Variants in LKAAEAR1 observed in about 807,000 individuals in gnomAD.
LKAAEAR1 encodes protein LKAAEAR1.
A neutral mutation model predicts 16.5 loss-of-function variants in LKAAEAR1; 19 were observed. That is an observed-to-expected ratio of 1.15 (90% CI 0.80 to 1.69). LKAAEAR1 has a LOEUF of 1.69. LKAAEAR1 is among the 40% of genes most tolerant of loss of function. The pLI is 0.00. For synonymous variants in LKAAEAR1, 124 were observed against 152.7 expected (o/e 0.81, Z 1.39); for missense variants, 304 against 315.8 (o/e 0.96, Z 0.28).
chr20:64,083,708 G>C lies in LKAAEAR1; in HGVS notation c.403-3C>G. The C allele has an allele frequency of 7.2e-7, 1 of 1,381,414 alleles. No homozygotes were observed. The highest frequency in any genetic ancestry group is 9.3e-7 in the Non-Finnish European group (1 of 1,076,718). 85.6% of individuals were successfully genotyped at this position (1,381,414 alleles called of 1,614,324 possible). A position where few individuals can be genotyped will look rare whatever the true frequency, so the allele number is the denominator to read the frequency against. ...ATGAGCAGCGCGATCTCCTCGGCCT[G>C]CGGGGCCCGGGTAGCTGAGCGCGCG... On this transcript the variant is annotated splice_polypyrimidine_tract_variant and splice_region_variant and intron_variant, in intron 1 of 2. Coordinates refer to ENST00000302096, the MANE Select transcript of LKAAEAR1 (RefSeq NM_001353425.2). This position sits in a 1 kb window ranked among gnomAD's most constrained non-coding sequence, Gnocchi z 4.9.
chr20:64,083,646 C>T lies in LKAAEAR1; in HGVS notation c.462G>A (p.Leu154=). The T allele has an allele frequency of 1.4e-6, 2 of 1,451,848 alleles. No homozygotes were observed. The highest frequency in any genetic ancestry group is 1.5e-5 in the African/African-American group (1 of 67,158). The allele number at this position is 1,451,848 out of a possible 1,614,324, so 89.9% of individuals were successfully genotyped here. The change falls in exon 2 of 3, where the codon CTG becomes CTA. Residue 154 remains leucine, a synonymous_variant. Transcript: ENST00000302096. The surrounding 1 kb of genome is among the most constrained non-coding windows in gnomAD (Gnocchi z 4.9). Reference sequence around the variant, plus strand: ...TCAGCTGCGGCGGCAGGAACAGCTCCAGCCGGATGGCGGCGCGCGCGGACT... The same window carrying T: ...TCAGCTGCGGCGGCAGGAACAGCTCTAGCCGGATGGCGGCGCGCGCGGACT... ...RQKSARAAIR[L]ELFLPPQLKP... is the part of the protein sequence containing the mutation.
rs2060000062 is a variant in LKAAEAR1, at chr20:64,083,732, C to G, written c.403-27G>C. 1 of 1,348,360 alleles carries G rather than the reference C, an allele frequency of 7.4e-7. No homozygotes were observed. Among genetic ancestry groups the G allele is most frequent in the Non-Finnish European group, 9.5e-7 (1 of 1,057,166 alleles). 83.5% of individuals were successfully genotyped at this position (1,348,360 alleles called of 1,614,324 possible). A position where few individuals can be genotyped will look rare whatever the true frequency, so the allele number is the denominator to read the frequency against. On this transcript the variant is annotated intron_variant, in intron 1 of 2. Transcript: ENST00000302096. The surrounding 1 kb of genome is among the most constrained non-coding windows in gnomAD (Gnocchi z 4.9). The stretch of plus-strand genomic sequence containing the variant: ...TGCGGGGCCCGGGTAGCTGAGCGCG[C>G]GCCGAGCCCCGCCCCGCCCCGCCCC...
upstream of LKAAEAR1, chr20:64,084,484 A>G (rs759624931): frequency 4.6e-5 from 40 of 869,148 alleles, no homozygotes; most frequent in Non-Finnish European, 5.7e-5. Context: ...ACTCAGTTGT[A>G]GGAAATATCT....
In LKAAEAR1 at chr20:64,083,535, G is replaced by A. The variant is rs764266177; in HGVS notation, c.526-41C>T. 1.9e-6 allele frequency: 3 copies of A among 1,551,900 alleles called. No individual in the cohort carries two copies. The South Asian group carries it at 3.5e-5, about 18-fold the overall frequency. Reference sequence around the variant, plus strand: ...GCTGGGGTCCGGCGTGTGCGGAGGCGGGCAGGGCCCCTCCCCTTTCCCCGC... The same window carrying A: ...GCTGGGGTCCGGCGTGTGCGGAGGCAGGCAGGGCCCCTCCCCTTTCCCCGC... On this transcript the variant is annotated intron_variant, in intron 2 of 2. Transcript: ENST00000302096. The surrounding 1 kb of genome is among the most constrained non-coding windows in gnomAD (Gnocchi z 4.9).
chr20:64,084,398 C>T lies in LKAAEAR1; in HGVS notation c.-179G>A. The T allele has an allele frequency of 2.4e-6, 3 of 1,272,734 alleles. No individual in the cohort carries two copies. Among genetic ancestry groups the T allele is most frequent in the South Asian group, 5.4e-5 (2 of 37,010 alleles). The allele number at this position is 1,272,734 out of a possible 1,614,324, so 78.8% of individuals were successfully genotyped here. A position where few individuals can be genotyped will look rare whatever the true frequency, so the allele number is the denominator to read the frequency against. On this transcript the variant is annotated 5_prime_UTR_variant, in exon 1 of 3. Transcript: ENST00000302096. ...GCTTTGCCCAGGCGCTCTCCCTCTC[C>T]CAAGCGCACGTCCCCAGCAGCTCTG...
Position 64,084,182 on chromosome 20 carries a change from G to C in LKAAEAR1, c.38C>G (p.Pro13Arg), listed in dbSNP as rs1284703865. 1.4e-6 allele frequency: 2 copies of C among 1,448,146 alleles called. No homozygotes were observed. The highest frequency in any genetic ancestry group is 1.8e-6 in the Non-Finnish European group (2 of 1,108,018). The allele number at this position is 1,448,146 out of a possible 1,614,324, so 89.7% of individuals were successfully genotyped here. A position where few individuals can be genotyped will look rare whatever the true frequency, so the allele number is the denominator to read the frequency against. ...PPAKEGGRKGPRERSGKSAPG... is the reference protein window; with the variant it reads ...PPAKEGGRKGRRERSGKSAPG... ...CGCGCTCTTCCCGCTTCGCTCCCGC[G>C]GGCCCTTGCGCCCGCCCTCCTTCGC... Residue 13 changes from proline to arginine, a missense_variant, in exon 1 of 3, where the codon CCG becomes CGG. By Grantham distance (103) the Pro-to-Arg change is moderately radical. Transcript: ENST00000302096.
In LKAAEAR1 at chr20:64,083,659, G is replaced by C; in HGVS notation, c.449C>G (p.Ala150Gly). Residue 150 changes from alanine (A) to glycine (G), a missense_variant, in exon 2 of 3, where the codon GCC (alanine) becomes GGC (glycine). Transcript: ENST00000302096. This position sits in a 1 kb window ranked among gnomAD's most constrained non-coding sequence, Gnocchi z 4.9. The part of the protein sequence containing the change: ...LLIQRQKSAR[A>G]AIRLELFLPP... ...CAGGAACAGCTCCAGCCGGATGGCG[G>C]CGCGCGCGGACTTCTGCCGCTGGAT... The C allele has an allele frequency of 6.9e-7, 1 of 1,438,896 alleles. No homozygotes were observed. Among genetic ancestry groups the C allele is most frequent in the South Asian group, 1.4e-5 (1 of 71,158 alleles). The allele number at this position is 1,438,896 out of a possible 1,614,324, so 89.1% of individuals were successfully genotyped here.
chr20:64,083,728 C>A lies in LKAAEAR1; in HGVS notation c.403-23G>T, dbSNP rs564491551. The A allele has an allele frequency of 1.7e-3, 2,300 of 1,354,658 alleles. 28 individuals are homozygous for A. In the African/African-American group the frequency reaches 0.031, roughly 18 times the overall value. The allele number at this position is 1,354,658 out of a possible 1,614,324, so 83.9% of individuals were successfully genotyped here. Reference sequence around the variant, plus strand: ...GGCCTGCGGGGCCCGGGTAGCTGAGCGCGCGCCGAGCCCCGCCCCGCCCCG... The same window carrying A: ...GGCCTGCGGGGCCCGGGTAGCTGAGAGCGCGCCGAGCCCCGCCCCGCCCCG... On this transcript the variant is annotated intron_variant, in intron 1 of 2. Coordinates refer to ENST00000302096, the MANE Select transcript of LKAAEAR1 (RefSeq NM_001353425.2). The surrounding 1 kb of genome is among the most constrained non-coding windows in gnomAD (Gnocchi z 4.9).
At chr20:64,084,896 C>T (rs919662329), upstream of LKAAEAR1, 9 of 152,372 alleles carry the variant, frequency 5.9e-5, no homozygotes, top group African/African-American at 2.2e-4. Context: ...CAGCCCCCAC[C>T]TCTTGGTCCC....
At position 64,083,677 on chromosome 20, in the gene LKAAEAR1, C is replaced by T. The variant is rs1319141240; in HGVS notation, c.431G>A (p.Arg144Gln). ...RAEEIALLIQ[R>Q]QKSARAAIRL... is the part of the protein sequence containing the mutation. Reference sequence around the variant, plus strand: ...GATGGCGGCGCGCGCGGACTTCTGCCGCTGGATGAGCAGCGCGATCTCCTC... The same window carrying T: ...GATGGCGGCGCGCGCGGACTTCTGCTGCTGGATGAGCAGCGCGATCTCCTC... Residue 144 changes from arginine to glutamine, a missense_variant, in exon 2 of 3, where the codon CGG becomes CAG. Arg to Gln is a conservative substitution (Grantham distance 43). Coordinates refer to ENST00000302096, the MANE Select transcript of LKAAEAR1 (RefSeq NM_001353425.2). The surrounding 1 kb of genome is among the most constrained non-coding windows in gnomAD (Gnocchi z 4.9). The T allele has an allele frequency of 3.5e-6, 5 of 1,427,192 alleles. No homozygotes were observed. In the African/African-American group the frequency reaches 6.0e-5, roughly 17 times the overall value. 88.4% of individuals were successfully genotyped at this position (1,427,192 alleles called of 1,614,324 possible).
Position 64,084,381 on chromosome 20 carries a change from C to T in LKAAEAR1, c.-162G>A, listed in dbSNP as rs990469998. 2.3e-6 allele frequency: 3 copies of T among 1,277,158 alleles called. No individual in the cohort carries two copies. Among genetic ancestry groups the T allele is most frequent in the Non-Finnish European group, 3.0e-6 (3 of 1,014,528 alleles). The allele number at this position is 1,277,158 out of a possible 1,614,324, so 79.1% of individuals were successfully genotyped here. On this transcript the variant is annotated 5_prime_UTR_variant, in exon 1 of 3. Coordinates refer to ENST00000302096, the MANE Select transcript of LKAAEAR1 (RefSeq NM_001353425.2). ...GCACCCCCAGCCTCTGAGCTTTGCCCAGGCGCTCTCCCTCTCCCAAGCGCA... is the reference window on the plus strand; with the variant it reads ...GCACCCCCAGCCTCTGAGCTTTGCCTAGGCGCTCTCCCTCTCCCAAGCGCA...
chr20:64,084,184 G>T lies in LKAAEAR1; in HGVS notation c.36C>A (p.Gly12=). ...CGCTCTTCCCGCTTCGCTCCCGCGG[G>T]CCCTTGCGCCCGCCCTCCTTCGCTG... ...PPPAKEGGRK[G]PRERSGKSAP... Residue 12 remains glycine, a synonymous_variant, in exon 1 of 3, where the codon GGC becomes GGA. Coordinates refer to ENST00000302096, the MANE Select transcript of LKAAEAR1 (RefSeq NM_001353425.2). 1 of 1,446,774 alleles carries T rather than the reference G, an allele frequency of 6.9e-7. No homozygotes were observed. The highest frequency in any genetic ancestry group is 1.5e-5 in the African/African-American group (1 of 67,498). The allele number at this position is 1,446,774 out of a possible 1,614,324, so 89.6% of individuals were successfully genotyped here. A position where few individuals can be genotyped will look rare whatever the true frequency, so the allele number is the denominator to read the frequency against.
chr20:64,084,001 G>A lies in LKAAEAR1; in HGVS notation c.219C>T (p.Gly73=). 4 of 1,493,032 alleles carry A rather than the reference G, an allele frequency of 2.7e-6. No individual in the cohort carries two copies. Among genetic ancestry groups the A allele is most frequent in the Non-Finnish European group, 3.5e-6 (4 of 1,130,042 alleles). The allele number at this position is 1,493,032 out of a possible 1,614,324, so 92.5% of individuals were successfully genotyped here. A position where few individuals can be genotyped will look rare whatever the true frequency, so the allele number is the denominator to read the frequency against. ...CGCACGGGAAGGTGGAGGCCGCCGC[G>A]CCCACGTCCTCCAGCAGGTCGCCGA... ...LLFGDLLEDV[G]AAASTFPCGS... Residue 73 remains glycine (G), a synonymous_variant, in exon 1 of 3, where the codon GGC becomes GGT. Coordinates refer to ENST00000302096, the MANE Select transcript of LKAAEAR1 (RefSeq NM_001353425.2).
At chr20:64,084,914 C>G (rs755902883), upstream of LKAAEAR1, 3 of 152,452 alleles carry the variant, frequency 2.0e-5, no homozygotes, top group Admixed American at 6.5e-5. Flanking sequence ...CCCTACACCC[C>G]CTGCTTGCTG....
chr20:64,083,645 C>G lies in LKAAEAR1; in HGVS notation c.463G>C (p.Glu155Gln), dbSNP rs2059997428. 2 of 1,452,158 alleles carry G rather than the reference C, an allele frequency of 1.4e-6. No homozygotes were observed. Among genetic ancestry groups the G allele is most frequent in the African/African-American group, 3.0e-5 (2 of 67,174 alleles). 90.0% of individuals were successfully genotyped at this position (1,452,158 alleles called of 1,614,324 possible). A position where few individuals can be genotyped will look rare whatever the true frequency, so the allele number is the denominator to read the frequency against. The change falls in exon 2 of 3, where the codon GAG becomes CAG. Residue 155 changes from glutamate (E) to glutamine (Q), a missense_variant. By Grantham distance (29) the Glu-to-Gln change is conservative (BLOSUM62 2). Coordinates refer to ENST00000302096, the MANE Select transcript of LKAAEAR1 (RefSeq NM_001353425.2). The surrounding 1 kb of genome is among the most constrained non-coding windows in gnomAD (Gnocchi z 4.9). ...TTCAGCTGCGGCGGCAGGAACAGCT[C>G]CAGCCGGATGGCGGCGCGCGCGGAC... ...QKSARAAIRLELFLPPQLKPA... is the reference protein window; with the variant it reads ...QKSARAAIRLQLFLPPQLKPA...
upstream of LKAAEAR1, chr20:64,084,418 G>A: frequency 7.9e-7 from 1 of 1,263,170 alleles, no homozygotes; most frequent in Non-Finnish European, 1.0e-6. Context: ...GTCCCCAGCA[G>A]CTCTGCCATC....
chr20:64,083,802 G>T lies in LKAAEAR1; in HGVS notation c.402+16C>A, dbSNP rs2060002390. 3.7e-6 allele frequency: 5 copies of T among 1,339,794 alleles called. No individual in the cohort carries two copies. Among genetic ancestry groups the T allele is most frequent in the Non-Finnish European group, 4.8e-6 (5 of 1,051,714 alleles). 83.0% of individuals were successfully genotyped at this position (1,339,794 alleles called of 1,614,324 possible). ...TCCCGGTGCGCCCCCTCTGCCCTCC[G>T]ACCCCCTCGCCTCACCCGCATGCGG... On this transcript the variant is annotated intron_variant, in intron 1 of 2. Coordinates refer to ENST00000302096, the MANE Select transcript of LKAAEAR1 (RefSeq NM_001353425.2). This position sits in a 1 kb window ranked among gnomAD's most constrained non-coding sequence, Gnocchi z 4.9.
At chr20:64,084,873 T>G (rs1220809111), upstream of LKAAEAR1, 1 of 152,260 alleles carries the variant, frequency 6.6e-6, no homozygotes, top group East Asian at 1.9e-4. Context: ...CCTTAGCTCC[T>G]GCAGCCGAGG....
At chr20:64,084,793 C>G (rs1376780048), upstream of LKAAEAR1, among the ~76,000 whole-genome samples, 1 of 152,196 alleles carries the variant, frequency 6.6e-6, no homozygotes, top group Non-Finnish European at 1.5e-5. Flanking sequence ...CTTGTCCAGC[C>G]AGGGCTGGGC....
Sources: gnomAD v4.1 joint callset for allele counts (sites outside exome capture counted in the v4.1 genomes callset) on GRCh38, gnomAD v4.1.1 for gene constraint, Gnocchi (gnomAD v3.1) non-coding constraint, MANE v1.5 for transcripts, NCBI Gene and HGNC (gene_info 2026-07-23, HGNC 2026-07-21) for gene names.